PARN: variants seen among roughly 807,000 people sequenced by gnomAD.
PARN encodes poly(A)-specific ribonuclease PARN.
A neutral mutation model predicts 102.8 loss-of-function variants in PARN; 71 were observed. The observed-to-expected ratio is 0.69, with a 90% CI of 0.57 to 0.84. The LOEUF (loss-of-function observed/expected upper bound fraction) is 0.84, where lower values mean the gene tolerates loss of function less well. Ranked by LOEUF, PARN falls within the 40% of genes least tolerant of loss-of-function variation. PARN has a pLI of 0.00. For missense variants in PARN, 782 were observed against 760.9 expected (o/e 1.03, Z -0.33); for synonymous variants, 261 against 252.9 (o/e 1.03, Z -0.30).
chr16:14,608,356 A>C (rs985782001), intron 8 of PARN, 37 bp from the exon 9 acceptor site: 1 of 1,363,902 alleles, frequency 7.3e-7, no homozygotes, highest in Non-Finnish European at 1.0e-6. Context: ...ATTTTGGCTC[A>C]TTAGAAGTAA....
At chr16:14,543,406 T>C (rs1483854100) in intron 21 of PARN, among the ~76,000 whole-genome samples, 1 of 152,098 alleles carries the variant, frequency 6.6e-6, no homozygotes, top group Non-Finnish European at 1.5e-5. Context: ...ATGGTAAATA[T>C]CTGACTAAAT....
In PARN at chr16:14,556,311, A is replaced by ACC. The variant is rs1238513778; in HGVS notation, c.1263-604_1263-603dup. On this transcript the variant is annotated intron_variant, in intron 18 of 23. Coordinates refer to ENST00000437198, the MANE Select transcript of PARN (RefSeq NM_002582.4). Reference sequence around the variant, plus strand: ...GTTGCTGGGACTACAGGCGTATGCCACCAAGCCCAGCTAATTTTTTGTATT... The same window carrying ACC: ...GTTGCTGGGACTACAGGCGTATGCCACCCCAAGCCCAGCTAATTTTTTGTATT... Among the ~76,000 whole-genome samples the ACC allele has an allele frequency of 1.7e-4, 26 of 151,890 alleles. 1 individual carries two copies. The East Asian group carries it at 5.0e-3, about 29-fold the overall frequency.
chr16:14,547,958 A>G (rs1235786538), intron 21 of PARN, among the ~76,000 whole-genome samples: 1 of 152,096 alleles, frequency 6.6e-6, no homozygotes, highest in Non-Finnish European at 1.5e-5. Context: ...GATAACATTA[A>G]TAGGGGCCGG....
At chr16:14,450,871 T>C (rs1368646259) in intron 22 of PARN, among the ~76,000 whole-genome samples, 1 of 152,024 alleles carries the variant, frequency 6.6e-6, no homozygotes, top group Non-Finnish European at 1.5e-5. Context: ...GTGTGCCCTC[T>C]AATTTATTAG....
chr16:14,444,667 T>TG (rs1961113399), intron 23 of PARN, among the ~76,000 whole-genome samples: 1 of 152,194 alleles, frequency 6.6e-6, no homozygotes, highest in Admixed American at 6.5e-5. Flanking sequence ...GAAACCCCCC[T>TG]GCCCCTCTAA....
chr16:14,458,676 C>T (rs1275465065), intron 22 of PARN, among the ~76,000 whole-genome samples: 5 of 152,120 alleles, frequency 3.3e-5, no homozygotes, highest in East Asian at 1.9e-4. Flanking sequence ...AAAATCTCAG[C>T]ACAACCAGGC....
At chr16:14,612,729 C>G (rs1048457527) in intron 6 of PARN, among the ~76,000 whole-genome samples, 3 of 151,828 alleles carry the variant, frequency 2.0e-5, no homozygotes, top group African/African-American at 7.2e-5. Flanking sequence ...TCCCAAGTTG[C>G]TGGGATTACA....
chr16:14,456,840 G>A (rs571871047), intron 22 of PARN, among the ~76,000 whole-genome samples: 9 of 152,296 alleles, frequency 5.9e-5, no homozygotes, highest in Admixed American at 1.3e-4. Context: ...CGGAGGAGCC[G>A]AAACAGCCAC....
chr16:14,475,718 C>T (rs1963005855), intron 22 of PARN, among the ~76,000 whole-genome samples: 1 of 152,186 alleles, frequency 6.6e-6, no homozygotes, highest in Non-Finnish European at 1.5e-5. Flanking sequence ...AAGTGAGTCA[C>T]AGAGCAGTGC....
rs1960701780 is a variant in PARN, at chr16:14,436,484, A to G, written c.*233T>C. The G allele has an allele frequency of 6.9e-6, 4 of 578,362 alleles. No individual in the cohort carries two copies. In the East Asian group the frequency reaches 1.1e-4, roughly 16 times the overall value. 35.8% of individuals were successfully genotyped at this position (578,362 alleles called of 1,614,324 possible). ...TCACTGGTTAAGCACGTACACATTC[A>G]TGACAGCCTACAACCGTGATGAGTG... On this transcript the variant is annotated 3_prime_UTR_variant, in exon 24 of 24. Transcript: ENST00000437198.
chr16:14,598,217 A>G (rs1303431092), intron 12 of PARN, among the ~76,000 whole-genome samples: 1 of 152,052 alleles, frequency 6.6e-6, no homozygotes, highest in Non-Finnish European at 1.5e-5. Context: ...CTTTCATTCA[A>G]GACTCAAAAA....
chr16:14,579,005 G>A (rs80180603), intron 18 of PARN, among the ~76,000 whole-genome samples: 1 of 145,084 alleles, frequency 6.9e-6, no homozygotes, highest in South Asian at 2.2e-4. Context: ...TTTTTTTTTT[G>A]AGAGGGAGTC....
intron 13 of PARN, among the ~76,000 whole-genome samples, chr16:14,590,280 A>G (rs1304003069): frequency 1.3e-5 from 2 of 151,080 alleles, no homozygotes; most frequent in Non-Finnish European, 3.0e-5. Flanking sequence ...AAGAGAAAAA[A>G]AAAAAAAAAC....
intron 18 of PARN, 60 bp from the exon 19 acceptor site, chr16:14,555,769 C>A: frequency 2.4e-6 from 2 of 839,222 alleles, no homozygotes; most frequent in Non-Finnish European, 1.8e-6. Context: ...AGGCATTTTG[C>A]ATTTTTAAGG....
At position 14,612,314 on chromosome 16, in the gene PARN, G is replaced by C. The variant is rs572511697; in HGVS notation, c.389-1505C>G. On this transcript the variant is annotated intron_variant, in intron 6 of 23. Transcript: ENST00000437198. ...TAGCTGGGCATGGTGGTGTGTGCCTGTAGTCCCAGCTACTTGGGAGGCTAA... is the reference window on the plus strand; with the variant it reads ...TAGCTGGGCATGGTGGTGTGTGCCTCTAGTCCCAGCTACTTGGGAGGCTAA... Among the ~76,000 whole-genome samples the C allele has an allele frequency of 4.6e-5, 7 of 152,164 alleles. 2 individuals carry two copies. The highest frequency in any genetic ancestry group is 1.7e-4 in the African/African-American group (7 of 41,520).
chr16:14,580,810 T>A (rs1969484434), intron 18 of PARN, 64 bp downstream of exon 18: 3 of 912,056 alleles, frequency 3.3e-6, no homozygotes, highest in Non-Finnish European at 3.5e-6. Context: ...CAAACTGACA[T>A]CCCAAGATAT....
intron 18 of PARN, among the ~76,000 whole-genome samples, chr16:14,566,523 G>GT (rs932148621): frequency 8.5e-5 from 13 of 152,150 alleles, no homozygotes; most frequent in Non-Finnish European, 1.0e-4. Context: ...CATGAGAGAT[G>GT]TATTCACCTA....
At chr16:14,535,090 TC>T (rs1966554466) in intron 21 of PARN, among the ~76,000 whole-genome samples, 1 of 152,222 alleles carries the variant, frequency 6.6e-6, no homozygotes, top group African/African-American at 2.4e-5. Context: ...CGCCTCGGCC[TC>T]CCAAAGTGCT....
intron 22 of PARN, among the ~76,000 whole-genome samples, chr16:14,469,189 TG>T (rs1962563400): frequency 6.6e-6 from 1 of 151,918 alleles, no homozygotes; most frequent in Admixed American, 6.6e-5. Flanking sequence ...CCTAGCTACT[TG>T]GGAGGCTGAG....
Sources: allele counts gnomAD v4.1 joint callset (sites outside exome capture counted in the v4.1 genomes callset), GRCh38; gene constraint gnomAD v4.1.1; transcripts MANE v1.5; gene names NCBI Gene and HGNC (gene_info 2026-07-23, HGNC 2026-07-21).